The following RSF1 variants were observed in gnomAD, a reference collection of about 807,000 sequenced individuals.
RSF1 encodes the protein remodeling and spacing factor 1, also known as HBV pX-associated protein 8.
A neutral mutation model predicts 145.2 loss-of-function variants in RSF1; 13 were observed. The ratio of observed to expected loss-of-function variants is 0.09; its 90% confidence interval spans 0.06 to 0.14. The LOEUF (loss-of-function observed/expected upper bound fraction) is 0.14, where lower values mean the gene tolerates loss of function less well. Ranked by LOEUF, RSF1 falls within the 10% of genes least tolerant of loss-of-function variation. The pLI is 1.00. For synonymous variants in RSF1, 577 were observed against 592.6 expected (o/e 0.97, Z 0.38); for missense variants, 1,517 against 1,718.2 (o/e 0.88, Z 2.07).
At chr11:77,777,546 T>C (rs1948354893) in intron 1 of RSF1, among the ~76,000 whole-genome samples, 1 of 152,134 alleles carries the variant, frequency 6.6e-6, no homozygotes, top group East Asian at 1.9e-4. Flanking sequence ...TGAGCCAAGA[T>C]GGCACCATTG....
intron 1 of RSF1, among the ~76,000 whole-genome samples, chr11:77,787,562 C>T (rs67200285): frequency 0.18 from 26,816 of 151,784 alleles, 2,938 homozygotes; most frequent in African/African-American, 0.29. Flanking sequence ...GCCTAAAATA[C>T]GTACTATCTG....
At chr11:77,710,581 CATAT>C (rs1310554175) in intron 5 of RSF1, among the ~76,000 whole-genome samples, 1 of 152,168 alleles carries the variant, frequency 6.6e-6, no homozygotes, top group East Asian at 1.9e-4. Context: ...ATCACTTCAA[CATAT>C]TCAGGTTCAA....
intron 1 of RSF1, among the ~76,000 whole-genome samples, chr11:77,809,252 A>G (rs1948708563): frequency 6.6e-6 from 1 of 152,226 alleles, no homozygotes; most frequent in Non-Finnish European, 1.5e-5. Flanking sequence ...ATCTTGGTAG[A>G]TGACTTTATC....
chr11:77,774,061 A>T (rs1430648484), intron 1 of RSF1, among the ~76,000 whole-genome samples: 1 of 152,238 alleles, frequency 6.6e-6, no homozygotes, highest in Non-Finnish European at 1.5e-5. Flanking sequence ...ATTATCTTTA[A>T]GTCTCAATTC....
intron 1 of RSF1, among the ~76,000 whole-genome samples, chr11:77,789,592 T>C (rs1948495934): frequency 6.6e-6 from 1 of 152,122 alleles, no homozygotes; most frequent in Non-Finnish European, 1.5e-5. Flanking sequence ...AGAGCGTGTG[T>C]TCCCCACCCA....
At chr11:77,800,366 C>T (rs147432347) in intron 1 of RSF1, among the ~76,000 whole-genome samples, 4 of 152,020 alleles carry the variant, frequency 2.6e-5, no homozygotes, top group African/African-American at 9.7e-5. Flanking sequence ...TTGGCACACA[C>T]CTGTAATCCC....
At chr11:77,844,705 A>C in the RSF1 span, among the ~76,000 whole-genome samples, 2 of 152,094 alleles carry the variant, frequency 1.3e-5, no homozygotes, top group Non-Finnish European at 2.9e-5. Flanking sequence ...ATTTGCTCTT[A>C]GGACCATTTC....
intron 4 of RSF1, chr11:77,734,650 T>C: frequency 6.9e-7 from 1 of 1,455,190 alleles, no homozygotes; most frequent in East Asian, 2.3e-5. Flanking sequence ...ATGGGGGTCA[T>C]TTTTGTCAGT....
At chr11:77,720,589 C>T (rs1291161201) in intron 5 of RSF1, among the ~76,000 whole-genome samples, 4 of 152,120 alleles carry the variant, frequency 2.6e-5, no homozygotes, top group African/African-American at 9.7e-5. Flanking sequence ...AGTATTTGAG[C>T]GTTTCAAGCC....
At chr11:77,677,421 A>C (rs889542061) in intron 12 of RSF1, among the ~76,000 whole-genome samples, 2 of 152,224 alleles carry the variant, frequency 1.3e-5, no homozygotes, top group African/African-American at 2.4e-5. Context: ...TCTTTTGGAC[A>C]AGGCTTTAGA....
At position 77,788,142 on chromosome 11, in the gene RSF1, CAAAAAAAAAAAAAAAAAAAA is replaced by C. The variant is rs66595170; in HGVS notation, c.188-23473_188-23454del. On this transcript the variant is annotated intron_variant, in intron 1 of 15. Coordinates refer to ENST00000308488, the MANE Select transcript of RSF1 (RefSeq NM_016578.4). Reference sequence around the variant, plus strand: ...GGGCAACCAGAGTGAGACACTATCTCAAAAAAAAAAAAAAAAAAAAAAAAAAAAAAAAAAATTAGGGGTAA... The same window carrying C: ...GGGCAACCAGAGTGAGACACTATCTCAAAAAAAAAAAAAAATTAGGGGTAA... Among the ~76,000 whole-genome samples, 4 of 3,434 alleles carry C rather than the reference CAAAAAAAAAAAAAAAAAAAA, an allele frequency of 1.2e-3. No homozygotes were observed. In the South Asian group the frequency reaches 0.12, roughly 99 times the overall value. 2.3% of individuals were successfully genotyped at this position (3,434 alleles called of 152,430 possible). A position where few individuals can be genotyped will look rare whatever the true frequency, so the allele number is the denominator to read the frequency against.
At position 77,725,593 on chromosome 11, in the gene RSF1, T is replaced by C. The variant is rs1240434259; in HGVS notation, c.685A>G (p.Ser229Gly). 1.2e-6 allele frequency: 2 copies of C among 1,608,644 alleles called. No homozygotes were observed. The highest frequency in any genetic ancestry group is 8.5e-7 in the Non-Finnish European group (1 of 1,176,990). ...QQDNSSRESP[S>G]LEDEETKKEE... is the part of the protein sequence containing the mutation. ...TTTTTAGTCTCCTCATCCTCTAAGC[T>C]GGGACTTTCCCGAGAAGAGTTGTCT... is the stretch of plus-strand genomic sequence containing the variant. The change falls in exon 5 of 16, where the codon AGC becomes GGC. Residue 229 changes from serine to glycine, a missense_variant. Physicochemically the swap from Ser to Gly is moderately conservative, Grantham distance 56. Around this residue, in one of 12 missense-constraint regions of RSF1, gnomAD observed 207 missense variants for 191.4 expected, o/e 1.08. Transcript: ENST00000308488.
In RSF1 at chr11:77,666,383, G is replaced by T. The variant is rs901739506; in HGVS notation, c.*534C>A. 3.3e-5 allele frequency: 5 copies of T among 152,462 alleles called. No individual in the cohort carries two copies. Among genetic ancestry groups the T allele is most frequent in the Non-Finnish European group, 7.4e-5 (5 of 68,014 alleles). The allele number at this position is 152,462 out of a possible 1,614,324, so 9.4% of individuals were successfully genotyped here. A position where few individuals can be genotyped will look rare whatever the true frequency, so the allele number is the denominator to read the frequency against. ...CATTTCACAAAGGCTGTTACTAAAT[G>T]ACTTATGTATGATGTTATCTACAAT... On this transcript the variant is annotated 3_prime_UTR_variant, in exon 16 of 16. Coordinates refer to ENST00000308488, the MANE Select transcript of RSF1 (RefSeq NM_016578.4).
chr11:77,852,326 G>T, the RSF1 span, among the ~76,000 whole-genome samples: 1 of 151,746 alleles, frequency 6.6e-6, no homozygotes, highest in Non-Finnish European at 1.5e-5. Flanking sequence ...TTTGACATAC[G>T]GAATTTGGTT....
intron 11 of RSF1, among the ~76,000 whole-genome samples, chr11:77,681,952 C>T (rs754334601): frequency 2.6e-5 from 4 of 152,066 alleles, no homozygotes; most frequent in Non-Finnish European, 5.9e-5. Flanking sequence ...TTTAATGCAT[C>T]GCTAATGAAG....
chr11:77,820,474 G>A (rs1179108424), intron 1 of RSF1, 54 bp downstream of exon 1: 1 of 1,515,138 alleles, frequency 6.6e-7, no homozygotes, highest in Non-Finnish European at 8.9e-7. Context: ...GAAGAGCGGA[G>A]AGTAGCAGAG....
At chr11:77,815,319 T>C (rs1394039998) in intron 1 of RSF1, among the ~76,000 whole-genome samples, 2 of 152,240 alleles carry the variant, frequency 1.3e-5, no homozygotes, top group Non-Finnish European at 2.9e-5. Flanking sequence ...TATAATTAAA[T>C]GTTTTTAAAA....
At chr11:77,812,431 T>A (rs1371581156) in intron 1 of RSF1, among the ~76,000 whole-genome samples, 1 of 152,178 alleles carries the variant, frequency 6.6e-6, no homozygotes, top group African/African-American at 2.4e-5. Context: ...AAATACAGAC[T>A]CAACCTCCAC....
At chr11:77,677,102 C>T in intron 12 of RSF1, 103 bp from the exon 13 acceptor site, 1 of 845,760 alleles carries the variant, frequency 1.2e-6, no homozygotes, top group African/African-American at 1.7e-5. Flanking sequence ...AGCAGCTCTT[C>T]ATTTCTTTAT....
Sources: allele counts gnomAD v4.1 joint callset (sites outside exome capture counted in the v4.1 genomes callset), GRCh38; gene constraint gnomAD v4.1.1; regional missense constraint gnomAD v4.1.1; transcripts MANE v1.5; gene names NCBI Gene and HGNC (gene_info 2026-07-23, HGNC 2026-07-21).